Variants in PPM1L observed in about 807,000 individuals in gnomAD.
The protein encoded by PPM1L is protein phosphatase 1L.
Under a neutral mutation model 31.4 loss-of-function variants are expected in PPM1L, and 13 were observed. That is an observed-to-expected ratio of 0.41 (90% CI 0.27 to 0.66). The LOEUF (loss-of-function observed/expected upper bound fraction) is 0.66, where lower values mean the gene tolerates loss of function less well. Ranked by LOEUF, PPM1L falls within the 30% of genes least tolerant of loss-of-function variation. The pLI is 0.29. For synonymous variants in PPM1L, 184 were observed against 175.4 expected (o/e 1.05, Z -0.39); for missense variants, 326 against 453.7 (o/e 0.72, Z 2.56).
intron 2 of PPM1L, among the ~76,000 whole-genome samples, chr3:160,994,559 C>A (rs911074707): frequency 2.0e-5 from 3 of 152,198 alleles, no homozygotes; most frequent in Admixed American, 6.5e-5. Context: ...AGTTCCCTAG[C>A]TCAGAACATA....
intron 1 of PPM1L, among the ~76,000 whole-genome samples, chr3:160,782,581 T>C (rs1711781524): frequency 1.3e-5 from 2 of 152,224 alleles, no homozygotes; most frequent in Non-Finnish European, 1.5e-5. Context: ...ATGCATAAAA[T>C]GTGTTCATAC....
intron 1 of PPM1L, among the ~76,000 whole-genome samples, chr3:160,845,475 G>A (rs951697233): frequency 6.6e-6 from 1 of 151,812 alleles, no homozygotes; most frequent in Non-Finnish European, 1.5e-5. Context: ...ATCATTTGTA[G>A]CACAAAGTTT....
chr3:160,963,028 A>G (rs1283497584), intron 2 of PPM1L, among the ~76,000 whole-genome samples: 5 of 150,770 alleles, frequency 3.3e-5, no homozygotes, highest in Non-Finnish European at 7.4e-5. Context: ...CATTTTTGTT[A>G]CTTTCAATAT....
At chr3:161,046,953 G>A (rs935742284) in intron 2 of PPM1L, among the ~76,000 whole-genome samples, 2 of 152,078 alleles carry the variant, frequency 1.3e-5, no homozygotes, top group Admixed American at 1.3e-4. Context: ...AATAATAAGA[G>A]CTACTTATGA....
chr3:160,967,874 G>A (rs1472750181), intron 2 of PPM1L, among the ~76,000 whole-genome samples: 2 of 152,044 alleles, frequency 1.3e-5, no homozygotes, highest in East Asian at 3.9e-4. Context: ...CTGATGGCAT[G>A]AACAGGACCT....
At chr3:160,784,752 T>C (rs762010189) in intron 1 of PPM1L, among the ~76,000 whole-genome samples, 3 of 152,242 alleles carry the variant, frequency 2.0e-5, no homozygotes, top group Non-Finnish European at 4.4e-5. Context: ...ACATTCCTTA[T>C]TATGCTCCAT....
At chr3:161,041,389 G>A (rs1325915684) in intron 2 of PPM1L, among the ~76,000 whole-genome samples, 1 of 152,142 alleles carries the variant, frequency 6.6e-6, no homozygotes, top group African/African-American at 2.4e-5. Context: ...ATGTTCGCAG[G>A]ATCTCCTGAG....
At chr3:160,835,061 C>CTTCTTCTTCTTCTTCTTCTTCTTT (rs1560120463) in intron 1 of PPM1L, among the ~76,000 whole-genome samples, 120 of 143,122 alleles carry the variant, frequency 8.4e-4, no homozygotes, top group African/African-American at 2.8e-3. Context: ...TCTTCTTCTT[C>CTTCTTCTTCTTCTTCTTCTTCTTT]TTCTTCTTCT....
intron 1 of PPM1L, among the ~76,000 whole-genome samples, chr3:160,920,688 TTG>T (rs1251621676): frequency 1.3e-5 from 2 of 149,240 alleles, no homozygotes; most frequent in East Asian, 4.0e-4. Flanking sequence ...CTGAGAGTAT[TTG>T]TTTCGGACAA....
At chr3:160,935,636 G>A (rs1344811207) in intron 1 of PPM1L, among the ~76,000 whole-genome samples, 1 of 152,172 alleles carries the variant, frequency 6.6e-6, no homozygotes, top group Non-Finnish European at 1.5e-5. Flanking sequence ...GTCCTGAGGC[G>A]AAGCTGTGCT....
intron 1 of PPM1L, among the ~76,000 whole-genome samples, chr3:160,759,097 A>T (rs1218873445): frequency 6.6e-6 from 1 of 152,120 alleles, no homozygotes; most frequent in Non-Finnish European, 1.5e-5. Flanking sequence ...CTACCATCTA[A>T]TTCTTGTGTG....
chr3:161,030,992 A>G (rs1718547735), intron 2 of PPM1L, among the ~76,000 whole-genome samples: 1 of 152,110 alleles, frequency 6.6e-6, no homozygotes, highest in Non-Finnish European at 1.5e-5. Context: ...CAAAAACCAC[A>G]CCTACCCTCC....
intron 1 of PPM1L, among the ~76,000 whole-genome samples, chr3:160,903,252 T>C (rs1162570068): frequency 7.4e-6 from 1 of 134,864 alleles, no homozygotes; most frequent in Non-Finnish European, 1.6e-5. Context: ...ATTAAGAGAC[T>C]TATTCTAAGG....
intron 1 of PPM1L, among the ~76,000 whole-genome samples, chr3:160,786,151 CTCTCTCTGTGTGTGTGTG>C (rs1372965341): frequency 3.5e-5 from 3 of 85,690 alleles, no homozygotes; most frequent in African/African-American, 2.5e-4. Context: ...CTCTCTCTCT[CTCTCTCTGTGTGTGTGTG>C]TGTGTGTGTG....
intron 1 of PPM1L, among the ~76,000 whole-genome samples, chr3:160,915,592 G>T (rs186475950): frequency 1.3e-5 from 2 of 152,130 alleles, no homozygotes; most frequent in Admixed American, 6.5e-5. Context: ...AAAGGAGCCC[G>T]CATTGCCAAG....
At chr3:161,052,244 G>A (rs1265215766) in intron 2 of PPM1L, among the ~76,000 whole-genome samples, 1 of 152,128 alleles carries the variant, frequency 6.6e-6, no homozygotes, top group African/African-American at 2.4e-5. Context: ...TCTGTGCTTT[G>A]AGCTCCACAT....
At chr3:160,975,811 A>G (rs1403454053) in intron 2 of PPM1L, among the ~76,000 whole-genome samples, 24 of 151,492 alleles carry the variant, frequency 1.6e-4, no homozygotes, top group Non-Finnish European at 2.5e-4. Context: ...CAATCATGTC[A>G]TCTGCAAACA....
intron 2 of PPM1L, among the ~76,000 whole-genome samples, chr3:161,012,187 G>A (rs138301783): frequency 0.025 from 3,820 of 152,218 alleles, 84 homozygotes; most frequent in South Asian, 0.044. Flanking sequence ...TTTGAGGTAC[G>A]TCCCATCAAT....
At chr3:160,878,935 C>T (rs1712611325) in intron 1 of PPM1L, among the ~76,000 whole-genome samples, 1 of 152,154 alleles carries the variant, frequency 6.6e-6, no homozygotes, top group South Asian at 2.1e-4. Context: ...TTAGGTCCTC[C>T]CTAGGAACCA....
Sources: gnomAD v4.1 joint callset for allele counts (sites outside exome capture counted in the v4.1 genomes callset) on GRCh38, gnomAD v4.1.1 for gene constraint, MANE v1.5 for transcripts, NCBI Gene and HGNC (gene_info 2026-07-23, HGNC 2026-07-21) for gene names.